OR2L13: variants seen among roughly 807,000 people sequenced by gnomAD.
OR2L13 encodes the protein olfactory receptor family 2 subfamily L member 13, also known as olfactory receptor 2L13.
In OR2L13, 14 loss-of-function variants were observed where a neutral mutation model predicts 15.3. That is an observed-to-expected ratio of 0.91 (90% confidence interval 0.60 to 1.43). OR2L13 has a LOEUF of 1.43. OR2L13 is among the 40% of genes most tolerant of loss of function. The pLI is 0.00. For synonymous variants in OR2L13, 152 were observed against 142.9 expected (o/e 1.06, Z -0.45); for missense variants, 367 against 387.9 (o/e 0.95, Z 0.45).
At chr1:248,074,925 A>T in the OR2L13 span, among the ~76,000 whole-genome samples, 2 of 152,166 alleles carry the variant, frequency 1.3e-5, no homozygotes, top group Non-Finnish European at 2.9e-5. Flanking sequence ...CACAATGTGC[A>T]GGTTTGATAC....
chr1:248,026,419 C>G, the OR2L13 span, among the ~76,000 whole-genome samples: 1 of 152,174 alleles, frequency 6.6e-6, no homozygotes, highest in Non-Finnish European at 1.5e-5. Flanking sequence ...TGGAGAGAAT[C>G]CCAAGTATGG....
the OR2L13 span, among the ~76,000 whole-genome samples, chr1:247,947,544 A>G: frequency 1.3e-5 from 2 of 152,046 alleles, no homozygotes; most frequent in African/African-American, 4.8e-5. Context: ...TCTTTTTTTT[A>G]TTTAGGCAAT....
the OR2L13 span, among the ~76,000 whole-genome samples, chr1:248,013,473 T>A: frequency 6.6e-6 from 1 of 152,112 alleles, no homozygotes; most frequent in Admixed American, 6.6e-5. Flanking sequence ...ATGTCCAAAG[T>A]CTCAGTGGAC....
chr1:247,988,178 G>A, the OR2L13 span, among the ~76,000 whole-genome samples: 1 of 151,462 alleles, frequency 6.6e-6, no homozygotes, highest in African/African-American at 2.4e-5. Flanking sequence ...TATTTGCTAT[G>A]TGCATTTCTG....
chr1:248,034,360 C>A, the OR2L13 span, among the ~76,000 whole-genome samples: 1 of 152,058 alleles, frequency 6.6e-6, no homozygotes, highest in African/African-American at 2.4e-5. Flanking sequence ...GTGAAAAAAA[C>A]AAATCTGGAG....
At chr1:247,960,594 C>T in the OR2L13 span, among the ~76,000 whole-genome samples, 2 of 152,120 alleles carry the variant, frequency 1.3e-5, no homozygotes, top group African/African-American at 4.8e-5. Flanking sequence ...GCACCCAGTT[C>T]GAGCCTCCTG....
the OR2L13 span, among the ~76,000 whole-genome samples, chr1:248,005,228 G>A: frequency 6.6e-6 from 1 of 152,184 alleles, no homozygotes; most frequent in East Asian, 1.9e-4. Context: ...TATTTCAGGT[G>A]ATGGTTACCC....
At chr1:248,068,193 C>T in the OR2L13 span, among the ~76,000 whole-genome samples, 1 of 152,206 alleles carries the variant, frequency 6.6e-6, no homozygotes, top group East Asian at 1.9e-4. Context: ...AGACTGCCTC[C>T]TCAAGTGGGT....
the OR2L13 span, chr1:248,060,864 A>G: frequency 5.6e-6 from 9 of 1,613,732 alleles, no homozygotes; most frequent in Non-Finnish European, 5.9e-6. Flanking sequence ...TGTATTTCCT[A>G]CTTAGTCAGC....
the OR2L13 span, chr1:248,003,601 T>C: frequency 6.2e-7 from 1 of 1,611,884 alleles, no homozygotes; most frequent in Non-Finnish European, 8.5e-7. Flanking sequence ...ATGCTTGTGC[T>C]CACACTGTAT....
chr1:248,058,474 C>T, the OR2L13 span, among the ~76,000 whole-genome samples: 45 of 152,182 alleles, frequency 3.0e-4, no homozygotes, highest in Middle Eastern at 3.4e-3. Context: ...AACATCATTT[C>T]ATCTTATGGA....
At chr1:247,993,872 CA>C in the OR2L13 span, among the ~76,000 whole-genome samples, 103 of 151,534 alleles carry the variant, frequency 6.8e-4, no homozygotes, top group Middle Eastern at 6.8e-3. Flanking sequence ...AACCAATGGA[CA>C]TGCATTGGTA....
At chr1:248,083,678 A>G in the OR2L13 span, 4 of 1,589,696 alleles carry the variant, frequency 2.5e-6, no homozygotes, top group Non-Finnish European at 3.5e-6. Flanking sequence ...TCAGGTTTAC[A>G]CATGTCCCCA....
the OR2L13 span, among the ~76,000 whole-genome samples, chr1:248,047,087 GT>G: frequency 2.6e-5 from 4 of 152,262 alleles, no homozygotes; most frequent in African/African-American, 9.6e-5. Context: ...TCATAAATGT[GT>G]TTTCTGGACG....
the OR2L13 span, among the ~76,000 whole-genome samples, chr1:247,945,892 T>A: frequency 6.6e-6 from 1 of 152,218 alleles, no homozygotes; most frequent in Non-Finnish European, 1.5e-5. Flanking sequence ...TGTGCATTTT[T>A]GCACATGAGA....
the OR2L13 span, chr1:248,003,129 C>T: frequency 2.3e-6 from 3 of 1,277,262 alleles, no homozygotes; most frequent in African/African-American, 1.4e-5. Flanking sequence ...TAGGAATGCC[C>T]CATGGAAAAT....
the OR2L13 span, chr1:247,949,284 A>G: frequency 1.7e-5 from 27 of 1,613,972 alleles, no homozygotes; most frequent in African/African-American, 1.2e-4. Flanking sequence ...GTGTGTGCTG[A>G]TGATAACAGG....
chr1:247,969,196 G>GT, the OR2L13 span, among the ~76,000 whole-genome samples: 9 of 151,902 alleles, frequency 5.9e-5, no homozygotes, highest in Non-Finnish European at 1.3e-4. Flanking sequence ...GGGGTTGTTT[G>GT]TTTTTTTCTT....
At chr1:247,968,807 G>A in the OR2L13 span, among the ~76,000 whole-genome samples, 1 of 151,884 alleles carries the variant, frequency 6.6e-6, no homozygotes, top group East Asian at 1.9e-4. Context: ...ATAAACATAC[G>A]TGTGCATGTG....
Sources: allele counts gnomAD v4.1 joint callset (sites outside exome capture counted in the v4.1 genomes callset), GRCh38; gene constraint gnomAD v4.1.1; transcripts MANE v1.5; gene names NCBI Gene and HGNC (gene_info 2026-07-23, HGNC 2026-07-21).